The following RIT2 variants were observed in gnomAD, a reference collection of about 807,000 sequenced individuals.
RIT2 encodes the protein Ras like without CAAX 2, also known as GTP-binding protein Rit2.
Under a neutral mutation model 23.7 loss-of-function variants are expected in RIT2, and 24 were observed. That is an observed-to-expected ratio of 1.01 (90% CI 0.73 to 1.43). The LOEUF is 1.43. Among genes scored for constraint, RIT2 ranks in the 40% most tolerant of loss-of-function variants. The pLI, the probability that RIT2 is intolerant of heterozygous loss-of-function variation, is 0.00. For missense variants in RIT2, 236 were observed against 266.9 expected (o/e 0.88, Z 0.81); for synonymous variants, 107 against 91.1 (o/e 1.17, Z -0.99).
At position 42,956,867 on chromosome 18, in the gene RIT2, C is replaced by T. The variant is rs533642574; in HGVS notation, c.234+17207G>A. Among the ~76,000 whole-genome samples the T allele has an allele frequency of 1.2e-4, 19 of 152,174 alleles. No homozygotes were observed. The East Asian group carries it at 3.5e-3, about 28-fold the overall frequency. ...AATGGCATCCTGGCGTCCCGGAAGG[C>T]TGCTAAGAGAGGAGGTGAGAACAAG... On this transcript the variant is annotated intron_variant, in intron 3 of 4. Transcript: ENST00000326695.
intron 1 of RIT2, among the ~76,000 whole-genome samples, chr18:43,108,131 C>T (rs897159863): frequency 6.7e-6 from 1 of 150,294 alleles, no homozygotes; most frequent in Admixed American, 6.6e-5. Flanking sequence ...GCCGAGATTG[C>T]ACCAGTGCAC....
At chr18:42,892,674 CAT>C (rs1288088640) in intron 4 of RIT2, among the ~76,000 whole-genome samples, 2 of 152,164 alleles carry the variant, frequency 1.3e-5, no homozygotes, top group Non-Finnish European at 2.9e-5. Context: ...GTACATAAAA[CAT>C]GTGTTAGTGA....
rs147870427 is a variant in RIT2, at chr18:43,015,889, A to C, written c.160+17922T>G. On this transcript the variant is annotated intron_variant, in intron 2 of 4. Transcript: ENST00000326695. ...AAATATGACAGTATATGGAAGCTTA[A>C]AGTAAAAACACCACTCACGTGCTGA... 1.1e-3 allele frequency among the ~76,000 whole-genome samples: 170 copies of C among 151,896 alleles called. 1 individual carries two copies. The Middle Eastern group carries it at 0.017, about 15-fold the overall frequency.
chr18:43,095,048 A>G (rs905211812), intron 1 of RIT2, among the ~76,000 whole-genome samples: 1 of 152,118 alleles, frequency 6.6e-6, no homozygotes, highest in Non-Finnish European at 1.5e-5. Flanking sequence ...TTATAGTAGC[A>G]TGATTTACAA....
At chr18:43,058,005 T>A (rs947124033) in intron 1 of RIT2, among the ~76,000 whole-genome samples, 4 of 152,004 alleles carry the variant, frequency 2.6e-5, no homozygotes, top group Admixed American at 2.6e-4. Context: ...TAGAAATGTA[T>A]CAGGAAGATT....
chr18:43,050,838 G>A (rs1471056043), intron 1 of RIT2, among the ~76,000 whole-genome samples: 4 of 152,110 alleles, frequency 2.6e-5, no homozygotes, highest in East Asian at 3.9e-4. Context: ...ACAGCACACC[G>A]AGGGAGGGCA....
At chr18:43,013,394 G>A (rs1911396638) in intron 2 of RIT2, among the ~76,000 whole-genome samples, 2 of 151,738 alleles carry the variant, frequency 1.3e-5, no homozygotes, top group Admixed American at 1.3e-4. Context: ...ACAATGTCCA[G>A]GAATCGTGAC....
chr18:42,884,559 T>G (rs1167597856), intron 4 of RIT2, among the ~76,000 whole-genome samples: 1 of 152,212 alleles, frequency 6.6e-6, no homozygotes, highest in Non-Finnish European at 1.5e-5. Flanking sequence ...ACCCTCAGTA[T>G]TCATTCCCCA....
chr18:42,769,549 G>A (rs1667832434), intron 4 of RIT2, among the ~76,000 whole-genome samples: 1 of 151,904 alleles, frequency 6.6e-6, no homozygotes, highest in African/African-American at 2.4e-5. Context: ...TTCAAGAATT[G>A]ATTATGTATT....
chr18:43,094,134 T>TG (rs1913493295), intron 1 of RIT2, among the ~76,000 whole-genome samples: 2 of 133,264 alleles, frequency 1.5e-5, no homozygotes, highest in African/African-American at 5.5e-5. Context: ...TTTTTTTTTT[T>TG]TTTTTTCACT....
intron 1 of RIT2, among the ~76,000 whole-genome samples, chr18:43,056,168 G>A (rs1403495520): frequency 1.3e-5 from 2 of 152,054 alleles, no homozygotes; most frequent in Non-Finnish European, 2.9e-5. Flanking sequence ...TATTGCACAT[G>A]CAGAAGCCTA....
chr18:42,761,119 A>G (rs180892759), intron 4 of RIT2, among the ~76,000 whole-genome samples: 2 of 152,276 alleles, frequency 1.3e-5, no homozygotes, highest in Admixed American at 1.3e-4. Context: ...AGACGTAGAT[A>G]TTGTTTCAGT....
chr18:42,997,258 A>G (rs1911006282), intron 2 of RIT2, among the ~76,000 whole-genome samples: 1 of 152,184 alleles, frequency 6.6e-6, no homozygotes, highest in East Asian at 1.9e-4. Context: ...GGCTATCAGC[A>G]GAAACTCAAA....
At chr18:42,758,442 C>T (rs1913216939) in intron 4 of RIT2, among the ~76,000 whole-genome samples, 1 of 151,964 alleles carries the variant, frequency 6.6e-6, no homozygotes, top group South Asian at 2.1e-4. Flanking sequence ...ACTTCAATTC[C>T]TCTCCTTTGA....
intron 2 of RIT2, among the ~76,000 whole-genome samples, chr18:42,995,157 C>A (rs1460203216): frequency 1.3e-5 from 2 of 152,152 alleles, no homozygotes; most frequent in Non-Finnish European, 2.9e-5. Context: ...ACAGTACAAG[C>A]CACTGGCCCA....
intron 2 of RIT2, among the ~76,000 whole-genome samples, chr18:42,990,668 TA>T (rs1910821017): frequency 1.3e-5 from 2 of 152,252 alleles, no homozygotes; most frequent in Admixed American, 1.3e-4. Context: ...AGGTACATAA[TA>T]AGTGGTCAAT....
intron 3 of RIT2, among the ~76,000 whole-genome samples, chr18:42,966,710 AG>A (rs1312970955): frequency 2.6e-5 from 4 of 152,158 alleles, no homozygotes; most frequent in African/African-American, 9.6e-5. Flanking sequence ...CTCCAAGGTC[AG>A]GGAATGCCAT....
intron 3 of RIT2, among the ~76,000 whole-genome samples, chr18:42,971,760 G>A (rs968538814): frequency 2.0e-5 from 3 of 151,960 alleles, no homozygotes; most frequent in Admixed American, 2.0e-4. Flanking sequence ...AGGACAAAGG[G>A]TTATCTGCAG....
intron 4 of RIT2, among the ~76,000 whole-genome samples, chr18:42,818,061 TG>T (rs1906047442): frequency 6.6e-6 from 1 of 152,164 alleles, no homozygotes; most frequent in Non-Finnish European, 1.5e-5. Context: ...TTTTATAAGA[TG>T]AATTTTTATT....
Sources: gnomAD v4.1 joint callset for allele counts (sites outside exome capture counted in the v4.1 genomes callset) on GRCh38, gnomAD v4.1.1 for gene constraint, MANE v1.5 for transcripts, NCBI Gene and HGNC (gene_info 2026-07-23, HGNC 2026-07-21) for gene names.